The following IL16 variants were observed in gnomAD, a reference collection of about 807,000 sequenced individuals.
IL16 encodes the protein interleukin 16.
Under a neutral mutation model 110.1 loss-of-function variants are expected in IL16, and 67 were observed. The observed-to-expected ratio is 0.61, with a 90% CI of 0.50 to 0.75. IL16 has a LOEUF of 0.75. Ranked by LOEUF, IL16 falls within the 30% of genes least tolerant of loss-of-function variation. The pLI, the probability that IL16 is intolerant of heterozygous loss-of-function variation, is 0.00. For synonymous variants in IL16, 689 were observed against 662.9 expected (o/e 1.04, Z -0.61); for missense variants, 1,545 against 1,655.0 (o/e 0.93, Z 1.15).
chr15:81,306,201 C>G, intron 17 of IL16, 35 bp downstream of exon 17: 1 of 1,600,726 alleles, frequency 6.2e-7, no homozygotes, highest in Non-Finnish European at 8.5e-7. Context: ...GCCACATGGG[C>G]CACATCCTCT....
chr15:81,268,903 C>T (rs1322432394), intron 4 of IL16, among the ~76,000 whole-genome samples: 1 of 152,220 alleles, frequency 6.6e-6, no homozygotes, highest in Non-Finnish European at 1.5e-5. Context: ...AAGCTAAGGT[C>T]ACCCGCCAGC....
chr15:81,215,241 A>C (rs1406861093), intron 1 of IL16, among the ~76,000 whole-genome samples: 1 of 152,216 alleles, frequency 6.6e-6, no homozygotes, highest in Non-Finnish European at 1.5e-5. Flanking sequence ...CCCATCTGCA[A>C]GGGTTAGTGT....
chr15:81,313,186 C>A lies in IL16; in HGVS notation c.*4388C>A. On this transcript the variant is annotated 3_prime_UTR_variant, in exon 19 of 19. Coordinates refer to ENST00000683961, the MANE Select transcript of IL16 (RefSeq NM_172217.5). ...ACAGGCCTCTGCGTGCTCCCAGGCT[C>A]CTTGGTGTCCCAACAGCTGGAGCTC... is the stretch of plus-strand genomic sequence containing the variant. The A allele has an allele frequency of 6.9e-7, 1 of 1,454,448 alleles. No individual in the cohort carries two copies. Among genetic ancestry groups the A allele is most frequent in the Middle Eastern group, 1.8e-4 (1 of 5,468 alleles). The allele number at this position is 1,454,448 out of a possible 1,614,324, so 90.1% of individuals were successfully genotyped here.
intron 9 of IL16, among the ~76,000 whole-genome samples, chr15:81,284,962 G>A (rs1899374750): frequency 6.6e-6 from 1 of 152,140 alleles, no homozygotes. Context: ...CAATTCCTGA[G>A]CAGACCTAGA....
chr15:81,207,237 CAAAAAAAACAAAAAAA>C (rs1183550833), intron 1 of IL16, among the ~76,000 whole-genome samples: 9 of 39,200 alleles, frequency 2.3e-4, no homozygotes, highest in Admixed American at 1.1e-3. Flanking sequence ...GACTCTGTCT[CAAAAAAAACAAAAAAA>C]AAAAAAAACA....
Position 81,296,935 on chromosome 15 carries a change from G to A in IL16, c.1910G>A (p.Arg637Lys). 1 of 1,610,162 alleles carries A rather than the reference G, an allele frequency of 6.2e-7. No individual in the cohort carries two copies. Among genetic ancestry groups the A allele is most frequent in the Non-Finnish European group, 8.5e-7 (1 of 1,178,294 alleles). ...TTCCTGTTTACACCACAGGAAGCGA[G>A]AGAGCTGCTGCCACTGCTGCTACCA... ...HTPPTCGQEA[R>K]ELLPLLLPQE... is the part of the protein sequence containing the mutation. Residue 637 changes from arginine to lysine, a missense_variant, in exon 13 of 19, where the codon AGA becomes AAA. By Grantham distance (26) the Arg-to-Lys change is conservative. This residue lies in a region of IL16 where 1,185 missense variants were observed against 1,238.8 expected (regional missense o/e 0.96). Coordinates refer to ENST00000683961, the MANE Select transcript of IL16 (RefSeq NM_172217.5).
rs561003595 is a variant in IL16, at chr15:81,286,619, A to G, written c.1332+789A>G. Among the ~76,000 whole-genome samples the G allele has an allele frequency of 3.7e-4, 57 of 152,326 alleles. No homozygotes were observed. In the South Asian group the frequency reaches 0.01, roughly 27 times the overall value. ...CTGTAGCTGTAGAAGGAGCATGTTCATATTTTAATTTTTAAACCTTTGATT... is the reference window on the plus strand; with the variant it reads ...CTGTAGCTGTAGAAGGAGCATGTTCGTATTTTAATTTTTAAACCTTTGATT... On this transcript the variant is annotated intron_variant, in intron 10 of 18. Coordinates refer to ENST00000683961, the MANE Select transcript of IL16 (RefSeq NM_172217.5).
At chr15:81,243,369 G>A (rs1897420208) in intron 2 of IL16, among the ~76,000 whole-genome samples, 1 of 149,978 alleles carries the variant, frequency 6.7e-6, no homozygotes, top group Non-Finnish European at 1.5e-5. Flanking sequence ...TTTTTTTGTA[G>A]AGAGAGAATT....
chr15:81,182,725 A>G (rs1009987392), exon 1 of IL16: 2 of 406,022 alleles, frequency 4.9e-6, no homozygotes, highest in Non-Finnish European at 9.4e-6. Flanking sequence ...TCTAACGAGG[A>G]GTTACTTTGT....
At chr15:81,220,018 G>A (rs1896561027) in intron 1 of IL16, among the ~76,000 whole-genome samples, 1 of 152,156 alleles carries the variant, frequency 6.6e-6, no homozygotes, top group South Asian at 2.1e-4. Flanking sequence ...AACACAACTT[G>A]CTTAAATTAC....
upstream of IL16, among the ~76,000 whole-genome samples, chr15:81,194,372 A>G (rs1412150990): frequency 6.6e-6 from 1 of 152,130 alleles, no homozygotes; most frequent in African/African-American, 2.4e-5. Context: ...TTGCCACAAC[A>G]AACATGTATT....
rs1055601950 is a variant in IL16 at position 81,222,017 on chromosome 15, G to A, written c.-101-3282G>A. Among the ~76,000 whole-genome samples, 9 of 152,120 alleles carry A rather than the reference G, an allele frequency of 5.9e-5. No homozygotes were observed. The South Asian group carries it at 6.2e-4, about 11-fold the overall frequency. ...CACAGCCTTGCACCTAGCCCCAAAG[G>A]CCCCCAAATGTTTTTTTGTCCTGGA... On this transcript the variant is annotated intron_variant, in intron 1 of 18. Coordinates refer to ENST00000683961, the MANE Select transcript of IL16 (RefSeq NM_172217.5).
intron 15 of IL16, 51 bp downstream of exon 15, chr15:81,301,563 T>C: frequency 1.9e-6 from 3 of 1,541,442 alleles, no homozygotes; most frequent in Non-Finnish European, 2.7e-6. Flanking sequence ...ATTATGGCTG[T>C]GTGGCCACCT....
Position 81,273,104 on chromosome 15 carries a change from C to G in IL16, c.690C>G (p.Ser230Arg). 6.2e-7 allele frequency: 1 copy of G among 1,613,108 alleles called. No individual in the cohort carries two copies. Among genetic ancestry groups the G allele is most frequent in the Non-Finnish European group, 8.5e-7 (1 of 1,179,362 alleles). ...MKGQAKGLGFSIVGGKDSIYG... is the reference protein window; with the variant it reads ...MKGQAKGLGFRIVGGKDSIYG... ...TTTTTCCCCAGGGTCTGGGCTTCAG[C>G]ATCGTTGGGGGAAAAGACAGCATTT... The change falls in exon 6 of 19, where the codon AGC becomes AGG. Residue 230 changes from serine (S) to arginine (R), a missense_variant. Transcript: ENST00000683961.
At chr15:81,244,195 C>T (rs1487867559) in intron 2 of IL16, among the ~76,000 whole-genome samples, 3 of 152,146 alleles carry the variant, frequency 2.0e-5, no homozygotes, top group Admixed American at 2.0e-4. Flanking sequence ...ACAGTGTTAA[C>T]ATTTTTTGCT....
chr15:81,207,723 A>G (rs1257870730), intron 1 of IL16, among the ~76,000 whole-genome samples: 1 of 152,184 alleles, frequency 6.6e-6, no homozygotes, highest in Non-Finnish European at 1.5e-5. Flanking sequence ...TTATGGCTGC[A>G]TAGTATTTCA....
rs1033283619 is a variant in IL16 at position 81,312,785 on chromosome 15, A to G, written c.*3987A>G. The G allele has an allele frequency of 6.6e-6, 1 of 152,496 alleles. No individual in the cohort carries two copies. The highest frequency in any genetic ancestry group is 6.5e-5 in the Admixed American group (1 of 15,292). 9.4% of individuals were successfully genotyped at this position (152,496 alleles called of 1,614,324 possible). A position where few individuals can be genotyped will look rare whatever the true frequency, so the allele number is the denominator to read the frequency against. On this transcript the variant is annotated 3_prime_UTR_variant, in exon 19 of 19. Transcript: ENST00000683961. ...TATACAAGGTCTATATCAGAAAAAT[A>G]TATTTGGGGGGCTGCAGCACAGGAC...
At chr15:81,259,738 C>G in intron 2 of IL16, 34 bp from the exon 3 acceptor site, 2 of 1,463,950 alleles carry the variant, frequency 1.4e-6, no homozygotes, top group Non-Finnish European at 1.9e-6. Flanking sequence ...TCTATTCTAA[C>G]TTGCTGAATA....
chr15:81,239,867 T>C (rs772306038), intron 2 of IL16, among the ~76,000 whole-genome samples: 13 of 152,198 alleles, frequency 8.5e-5, no homozygotes, highest in Non-Finnish European at 1.5e-4. Flanking sequence ...GGGTAGATAG[T>C]AGATAGAAAG....
Sources: gnomAD v4.1 joint callset for allele counts (sites outside exome capture counted in the v4.1 genomes callset) on GRCh38, gnomAD v4.1.1 for gene constraint, gnomAD v4.1.1 regional missense constraint, MANE v1.5 for transcripts, NCBI Gene and HGNC (gene_info 2026-07-23, HGNC 2026-07-21) for gene names.